Variants in VSIG10L2 observed in about 807,000 individuals in gnomAD.
The protein encoded by VSIG10L2 is V-set and immunoglobulin domain-containing protein 10-like 2.
VSIG10L2 carries 56 observed loss-of-function variants against 67.1 expected under a neutral mutation model. The observed-to-expected ratio is 0.83, with a 90% CI of 0.67 to 1.04. The LOEUF (loss-of-function observed/expected upper bound fraction) is 1.04, where lower values mean the gene tolerates loss of function less well. Among genes scored for constraint, VSIG10L2 ranks in the 50% least tolerant of loss-of-function variants. VSIG10L2 has a pLI of 0.00. For missense variants in VSIG10L2, 843 were observed against 932.8 expected (o/e 0.90, Z 1.25); for synonymous variants, 360 against 396.6 (o/e 0.91, Z 1.10).
In VSIG10L2 at chr11:125,954,323, T is replaced by C; in HGVS notation, c.2023T>C (p.Phe675Leu). 1 of 1,231,994 alleles carries C rather than the reference T, an allele frequency of 8.1e-7. No homozygotes were observed. Among genetic ancestry groups the C allele is most frequent in the Non-Finnish European group, 1.0e-6 (1 of 987,958 alleles). The allele number at this position is 1,231,994 out of a possible 1,614,324, so 76.3% of individuals were successfully genotyped here. ...CTTGGACCCCGGGGTCCTTTATGCC[T>C]TCCGCATCCTGGCTCTGAATCACCA... is the stretch of plus-strand genomic sequence containing the variant. Reference protein sequence around the residue: ...GGLDPGVLYAFRILALNHHTA... With the variant: ...GGLDPGVLYALRILALNHHTA... Residue 675 changes from phenylalanine to leucine, a missense_variant, in exon 8 of 12, where the codon TTC (phenylalanine) becomes CTC (leucine). Physicochemically the swap from Phe to Leu is conservative, Grantham distance 22 (BLOSUM62 0). Around this residue, in one of 2 missense-constraint regions of VSIG10L2, gnomAD observed 397 missense variants for 384.4 expected, o/e 1.03. Transcript: ENST00000686984.
At position 125,954,070 on chromosome 11, in the gene VSIG10L2, T is replaced by A; in HGVS notation, c.1787-17T>A. On this transcript the variant is annotated splice_polypyrimidine_tract_variant and intron_variant, in intron 7 of 11. Transcript: ENST00000686984. Reference sequence around the variant, plus strand: ...GTAGGTATACATGTCCCTTGTTTTGTCCCCACCCTCACCCAGGATATCCAG... The same window carrying A: ...GTAGGTATACATGTCCCTTGTTTTGACCCCACCCTCACCCAGGATATCCAG... 1 of 1,231,994 alleles carries A rather than the reference T, an allele frequency of 8.1e-7. No homozygotes were observed. Among genetic ancestry groups the A allele is most frequent in the Non-Finnish European group, 1.0e-6 (1 of 987,978 alleles). 76.3% of individuals were successfully genotyped at this position (1,231,994 alleles called of 1,614,324 possible). A position where few individuals can be genotyped will look rare whatever the true frequency, so the allele number is the denominator to read the frequency against.
intron 8 of VSIG10L2, among the ~76,000 whole-genome samples, chr11:125,954,671 G>C (rs1945428120): frequency 6.6e-6 from 1 of 152,150 alleles, no homozygotes; most frequent in African/African-American, 2.4e-5. Context: ...CTAAGAACAG[G>C]AGCCGACTCT....
rs912374353 is a variant in VSIG10L2 at position 125,954,993 on chromosome 11, G to A, written c.2084-64G>A. On this transcript the variant is annotated intron_variant, in intron 8 of 11. Coordinates refer to ENST00000686984, the MANE Select transcript of VSIG10L2 (RefSeq NM_001365077.2). ...CTCCAGAACCCTAGTGGTTCCCTAC[G>A]AGCCACTGTGGCCCAAGTTCTGCAG... is the stretch of plus-strand genomic sequence containing the variant. 1.5e-5 allele frequency: 18 copies of A among 1,231,726 alleles called. No homozygotes were observed. In the East Asian group the frequency reaches 3.2e-4, roughly 22 times the overall value. 76.3% of individuals were successfully genotyped at this position (1,231,726 alleles called of 1,614,324 possible). A position where few individuals can be genotyped will look rare whatever the true frequency, so the allele number is the denominator to read the frequency against.
At position 125,956,118 on chromosome 11, in the gene VSIG10L2, T is replaced by TGTGGAA. The variant is rs1945469371; in HGVS notation, c.*206_*211dup. The TGTGGAA allele has an allele frequency of 1.5e-6, 1 of 675,790 alleles. No homozygotes were observed. Among genetic ancestry groups the TGTGGAA allele is most frequent in the African/African-American group, 1.8e-5 (1 of 56,476 alleles). The allele number at this position is 675,790 out of a possible 1,614,324, so 41.9% of individuals were successfully genotyped here. A position where few individuals can be genotyped will look rare whatever the true frequency, so the allele number is the denominator to read the frequency against. On this transcript the variant is annotated 3_prime_UTR_variant, in exon 12 of 12. Transcript: ENST00000686984. ...TTACAAGAGAAGCCCTGGCCCACCT[T>TGTGGAA]GTGGAAGACAGAGGTGGCAGGACAA...
chr11:125,951,902 C>A lies in VSIG10L2; in HGVS notation c.1324C>A (p.Pro442Thr), dbSNP rs1027591147. ...MLSCEWPGGE[P>T]PATLGWLDEQ... Reference sequence around the variant, plus strand: ...GAGCTGCGAGTGGCCTGGCGGCGAGCCCCCTGCCACGCTGGGCTGGCTTGA... The same window carrying A: ...GAGCTGCGAGTGGCCTGGCGGCGAGACCCCTGCCACGCTGGGCTGGCTTGA... The change falls in exon 6 of 12, where the codon CCC becomes ACC. Residue 442 changes from proline (P) to threonine (T), a missense_variant. Physicochemically the swap from Pro to Thr is conservative, Grantham distance 38. Coordinates refer to ENST00000686984, the MANE Select transcript of VSIG10L2 (RefSeq NM_001365077.2). 4.0e-5 allele frequency: 62 copies of A among 1,535,278 alleles called. No homozygotes were observed. The highest frequency in any genetic ancestry group is 3.4e-4 in the Middle Eastern group (2 of 5,958).
At chr11:125,949,460 G>A (rs1237892954) in intron 3 of VSIG10L2, among the ~76,000 whole-genome samples, 1 of 152,216 alleles carries the variant, frequency 6.6e-6, no homozygotes, top group Non-Finnish European at 1.5e-5. Flanking sequence ...GTTGAGGCAG[G>A]TGAGCAGGAG....
chr11:125,952,226 C>T (rs1008703357), intron 6 of VSIG10L2, among the ~76,000 whole-genome samples, 153 bp downstream of exon 6: 1 of 152,050 alleles, frequency 6.6e-6, no homozygotes, highest in African/African-American at 2.4e-5. Context: ...AGCTGAGCTC[C>T]CAGGGACTCA....
Position 125,947,863 on chromosome 11 carries a change from T to C in VSIG10L2, c.260T>C (p.Met87Thr), listed in dbSNP as rs1945318023. Reference sequence around the variant, plus strand: ...CCTGTGGCCGTCACCGATGGAGCCATGTCCAAGGTGGAGGCCATCGCCTCG... The same window carrying C: ...CCTGTGGCCGTCACCGATGGAGCCACGTCCAAGGTGGAGGCCATCGCCTCG... ...PRPVAVTDGA[M>T]SKVEAIASAL... Residue 87 changes from methionine (M) to threonine (T), a missense_variant, in exon 2 of 12, where the codon ATG becomes ACG. Coordinates refer to ENST00000686984, the MANE Select transcript of VSIG10L2 (RefSeq NM_001365077.2). 2 of 1,232,284 alleles carry C rather than the reference T, an allele frequency of 1.6e-6. No homozygotes were observed. Among genetic ancestry groups the C allele is most frequent in the East Asian group, 3.2e-5 (1 of 31,700 alleles). 76.3% of individuals were successfully genotyped at this position (1,232,284 alleles called of 1,614,324 possible). A position where few individuals can be genotyped will look rare whatever the true frequency, so the allele number is the denominator to read the frequency against.
chr11:125,951,658 C>T (rs1261437604), intron 5 of VSIG10L2, 155 bp from the exon 6 acceptor site: 13 of 751,928 alleles, frequency 1.7e-5, no homozygotes, highest in Non-Finnish European at 2.5e-5. Flanking sequence ...ATTTCCCTGG[C>T]ACATGATCAA....
intron 9 of VSIG10L2, 127 bp downstream of exon 9, chr11:125,955,306 TC>T: frequency 7.9e-7 from 1 of 1,273,182 alleles, no homozygotes; most frequent in Non-Finnish European, 1.0e-6. Context: ...TCAGACCCTC[TC>T]CCCAGTGCTA....
Position 125,955,163 on chromosome 11 carries a change from C to A in VSIG10L2, c.2190C>A (p.His730Gln). ...SLLVFQYAAR[H>Q]PETFPRLGQL... ...TGGTGTTCCAGTATGCTGCCCGGCA[C>A]CCAGAGACTTTCCCCCGTGAGTGGG... The change falls in exon 9 of 12, where the codon CAC (histidine) becomes CAA (glutamine). Residue 730 changes from histidine (H) to glutamine (Q), a missense_variant. By Grantham distance (24) the His-to-Gln change is conservative. Transcript: ENST00000686984. The A allele has an allele frequency of 8.0e-7, 1 of 1,250,594 alleles. No individual in the cohort carries two copies. Among genetic ancestry groups the A allele is most frequent in the Non-Finnish European group, 1.0e-6 (1 of 999,192 alleles). The allele number at this position is 1,250,594 out of a possible 1,614,324, so 77.5% of individuals were successfully genotyped here.
Position 125,953,493 on chromosome 11 carries a change from C to A in VSIG10L2, c.1589C>A (p.Pro530His), listed in dbSNP as rs1945406314. The A allele has an allele frequency of 8.1e-7, 1 of 1,232,190 alleles. No individual in the cohort carries two copies. Among genetic ancestry groups the A allele is most frequent in the Non-Finnish European group, 1.0e-6 (1 of 988,114 alleles). The allele number at this position is 1,232,190 out of a possible 1,614,324, so 76.3% of individuals were successfully genotyped here. Residue 530 changes from proline (P) to histidine (H), a missense_variant, in exon 7 of 12, where the codon CCT (proline) becomes CAT (histidine). Physicochemically the swap from Pro to His is moderately conservative, Grantham distance 77. Coordinates refer to ENST00000686984, the MANE Select transcript of VSIG10L2 (RefSeq NM_001365077.2). ...LECSLRGGTP[P>H]AQLLWLGPQQ... ...TGCTCTCTCCGCGGGGGCACACCAC[C>A]TGCCCAGCTCCTCTGGCTGGGGCCT...
chr11:125,953,394 C>T lies in VSIG10L2; in HGVS notation c.1496-6C>T. The T allele has an allele frequency of 8.9e-6, 11 of 1,232,502 alleles. No homozygotes were observed. Among genetic ancestry groups the T allele is most frequent in the Non-Finnish European group, 9.1e-6 (9 of 988,240 alleles). The allele number at this position is 1,232,502 out of a possible 1,614,324, so 76.3% of individuals were successfully genotyped here. On this transcript the variant is annotated splice_polypyrimidine_tract_variant and splice_region_variant and intron_variant, in intron 6 of 11. Transcript: ENST00000686984. The stretch of plus-strand genomic sequence containing the variant: ...CTAGCCGGCCTCATCCTCTCTGTCC[C>T]CGCAGAAGCCCCACAGCTGGACGTG...
rs745417197 is a variant in VSIG10L2 at position 125,946,544 on chromosome 11, CTT to C, written c.82+419_82+420del. Among the ~76,000 whole-genome samples, 7 of 142,910 alleles carry C rather than the reference CTT, an allele frequency of 4.9e-5. No individual in the cohort carries two copies. The highest frequency in any genetic ancestry group is 7.7e-5 in the Non-Finnish European group (5 of 65,310). 93.8% of individuals were successfully genotyped at this position (142,910 alleles called of 152,430 possible). On this transcript the variant is annotated intron_variant, in intron 1 of 11. Transcript: ENST00000686984. This position sits in a 1 kb window ranked among gnomAD's most constrained non-coding sequence, Gnocchi z 4.4. ...GGTTTCTGGGTTACATATTTTTATTCTTTTTTTTTTTTTGAGATGGAGTCTTG... is the reference window on the plus strand; with the variant it reads ...GGTTTCTGGGTTACATATTTTTATTCTTTTTTTTTTTGAGATGGAGTCTTG...
Position 125,951,133 on chromosome 11 carries a change from G to T in VSIG10L2, c.1209G>T (p.Pro403=), listed in dbSNP as rs1372068590. The T allele has an allele frequency of 8.1e-7, 1 of 1,232,804 alleles. No homozygotes were observed. Among genetic ancestry groups the T allele is most frequent in the African/African-American group, 1.6e-5 (1 of 64,434 alleles). 76.4% of individuals were successfully genotyped at this position (1,232,804 alleles called of 1,614,324 possible). A position where few individuals can be genotyped will look rare whatever the true frequency, so the allele number is the denominator to read the frequency against. ...TCTGQHPALA[P]PALCTVMLWE... is the part of the protein sequence containing the mutation. ...CTGGCCAGCACCCAGCCCTGGCACC[G>T]CCTGCCCTCTGCACAGTCATGCTCT... is the stretch of plus-strand genomic sequence containing the variant. Residue 403 remains proline (P), a synonymous_variant, in exon 5 of 12, where the codon CCG becomes CCT. Transcript: ENST00000686984.
At chr11:125,949,357 GC>G in intron 3 of VSIG10L2, among the ~76,000 whole-genome samples, 1 of 152,184 alleles carries the variant, frequency 6.6e-6, no homozygotes, top group East Asian at 1.9e-4. Context: ...ATTGGACGGT[GC>G]TGGTCTTAGA....
rs745417197 is a variant in VSIG10L2 at position 125,946,544 on chromosome 11, C to CTTTT, written c.82+417_82+420dup. ...GGTTTCTGGGTTACATATTTTTATT[C>CTTTT]TTTTTTTTTTTTTGAGATGGAGTCT... On this transcript the variant is annotated intron_variant, in intron 1 of 11. Coordinates refer to ENST00000686984, the MANE Select transcript of VSIG10L2 (RefSeq NM_001365077.2). This position sits in a 1 kb window ranked among gnomAD's most constrained non-coding sequence, Gnocchi z 4.4. Among the ~76,000 whole-genome samples, 3,613 of 142,916 alleles carry CTTTT rather than the reference C, an allele frequency of 0.025. 179 individuals are homozygous for CTTTT. The highest frequency in any genetic ancestry group is 0.083 in the African/African-American group (3,251 of 39,202). The allele number at this position is 142,916 out of a possible 152,430, so 93.8% of individuals were successfully genotyped here.
intron 3 of VSIG10L2, among the ~76,000 whole-genome samples, 168 bp from the exon 4 acceptor site, chr11:125,949,846 T>C (rs1945342240): frequency 6.6e-6 from 1 of 152,138 alleles, no homozygotes; most frequent in African/African-American, 2.4e-5. Context: ...CCCTGGACTG[T>C]GCCCATGGCC....
At position 125,946,398 on chromosome 11, in the gene VSIG10L2, G is replaced by A. The variant is rs1945303599; in HGVS notation, c.82+261G>A. ...CCTAGGAGTGGTATGGTCAGATCCA[G>A]GTTTCAGAAAGCTCCCTGGTTTTGA... is the stretch of plus-strand genomic sequence containing the variant. On this transcript the variant is annotated intron_variant, in intron 1 of 11. Coordinates refer to ENST00000686984, the MANE Select transcript of VSIG10L2 (RefSeq NM_001365077.2). This position sits in a 1 kb window ranked among gnomAD's most constrained non-coding sequence, Gnocchi z 4.4. Among the ~76,000 whole-genome samples the A allele has an allele frequency of 6.6e-6, 1 of 152,168 alleles. No homozygotes were observed. The highest frequency in any genetic ancestry group is 2.4e-5 in the African/African-American group (1 of 41,444).
Sources: gnomAD v4.1 joint callset for allele counts (sites outside exome capture counted in the v4.1 genomes callset) on GRCh38, gnomAD v4.1.1 for gene constraint, gnomAD v4.1.1 regional missense constraint, Gnocchi (gnomAD v3.1) non-coding constraint, MANE v1.5 for transcripts, NCBI Gene and HGNC (gene_info 2026-07-23, HGNC 2026-07-21) for gene names.